Variants in WWOX observed in about 807,000 individuals in gnomAD.
WWOX encodes the protein WW domain-containing oxidoreductase.
WWOX carries 69 observed loss-of-function variants against 46.2 expected under a neutral mutation model. The observed-to-expected ratio is 1.49, with a 90% CI of 1.23 to 1.82. WWOX has a LOEUF of 1.82. WWOX is among the 40% of genes most tolerant of loss of function. The pLI is 0.00. For missense variants in WWOX, 919 were observed against 542.6 expected (o/e 1.69, Z -6.89); for synonymous variants, 359 against 202.6 (o/e 1.77, Z -6.56).
intron 8 of WWOX, among the ~76,000 whole-genome samples, chr16:78,607,176 A>G (rs1375044784): frequency 6.6e-6 from 1 of 152,194 alleles, no homozygotes; most frequent in Non-Finnish European, 1.5e-5. Context: ...CACAATAAAT[A>G]CACAGTTAAT....
At chr16:78,569,013 C>T (rs1237827692) in intron 8 of WWOX, among the ~76,000 whole-genome samples, 1 of 152,148 alleles carries the variant, frequency 6.6e-6, no homozygotes, top group South Asian at 2.1e-4. Context: ...CTGTTAGGCA[C>T]CACACACGAT....
intron 8 of WWOX, among the ~76,000 whole-genome samples, chr16:78,599,302 AAATT>A (rs903794545): frequency 1.3e-5 from 2 of 150,904 alleles, no homozygotes; most frequent in African/African-American, 5.0e-5. Context: ...CAGGGGCTTT[AAATT>A]AATTAATCAA....
intron 8 of WWOX, among the ~76,000 whole-genome samples, chr16:79,185,947 T>A (rs2051005339): frequency 6.7e-6 from 1 of 150,198 alleles, no homozygotes; most frequent in Non-Finnish European, 1.5e-5. Context: ...GCCATGTCTG[T>A]GTGTGTGTGT....
intron 8 of WWOX, among the ~76,000 whole-genome samples, chr16:78,797,578 T>C (rs2050776878): frequency 6.6e-6 from 1 of 152,150 alleles, no homozygotes; most frequent in Admixed American, 6.5e-5. Flanking sequence ...CCTGGGGCTT[T>C]AGTCATGTCA....
At chr16:78,740,649 A>T (rs1182190494) in intron 8 of WWOX, among the ~76,000 whole-genome samples, 1 of 152,062 alleles carries the variant, frequency 6.6e-6, no homozygotes, top group Non-Finnish European at 1.5e-5. Context: ...GGTGAAATTG[A>T]TTTGGCAAAA....
At chr16:78,312,595 G>C (rs561788659) in intron 5 of WWOX, among the ~76,000 whole-genome samples, 3 of 152,148 alleles carry the variant, frequency 2.0e-5, no homozygotes, top group Non-Finnish European at 4.4e-5. Flanking sequence ...GGCTGGTGTC[G>C]AACTCCTGAC....
rs115806920 is a variant in WWOX at position 78,238,345 on chromosome 16, G to T, written c.516+74056G>T. On this transcript the variant is annotated intron_variant, in intron 5 of 8. Coordinates refer to ENST00000566780, the MANE Select transcript of WWOX (RefSeq NM_016373.4). ...GGCAAGGTCTCACTTCATCACCCAG[G>T]CTGGAGTGCAGTAGTGTGTTCACAG... 4.2e-3 allele frequency among the ~76,000 whole-genome samples: 636 copies of T among 152,152 alleles called. 6 individuals are homozygous for T. The highest frequency in any genetic ancestry group is 0.015 in the African/African-American group (625 of 41,502).
At chr16:78,734,401 C>G (rs1051783630) in intron 8 of WWOX, among the ~76,000 whole-genome samples, 1 of 152,138 alleles carries the variant, frequency 6.6e-6, no homozygotes, top group Non-Finnish European at 1.5e-5. Context: ...TATGATAGCC[C>G]TAATTGGAAT....
intron 5 of WWOX, among the ~76,000 whole-genome samples, chr16:78,282,369 A>G (rs11150053): frequency 0.3 from 46,216 of 152,058 alleles, 8,036 homozygotes; most frequent in African/African-American, 0.47. Context: ...TGTGGCTTCA[A>G]AAAGGAGCCT....
At chr16:78,216,179 A>C (rs1056404104) in intron 5 of WWOX, among the ~76,000 whole-genome samples, 9 of 152,254 alleles carry the variant, frequency 5.9e-5, no homozygotes, top group African/African-American at 1.9e-4. Context: ...GCTGAAAAGT[A>C]AAATAATAAA....
At chr16:78,758,254 A>T (rs1282851312) in intron 8 of WWOX, among the ~76,000 whole-genome samples, 2 of 152,192 alleles carry the variant, frequency 1.3e-5, no homozygotes, top group Non-Finnish European at 2.9e-5. Flanking sequence ...CCATGTAGCT[A>T]TTATTACCAG....
At chr16:78,260,001 A>G (rs1388591979) in intron 5 of WWOX, among the ~76,000 whole-genome samples, 1 of 151,304 alleles carries the variant, frequency 6.6e-6, no homozygotes, top group Non-Finnish European at 1.5e-5. Context: ...CGTTAAATGA[A>G]TCCTAGATCC....
At chr16:78,755,729 A>C (rs556994560) in intron 8 of WWOX, among the ~76,000 whole-genome samples, 1 of 152,258 alleles carries the variant, frequency 6.6e-6, no homozygotes, top group South Asian at 2.1e-4. Context: ...AGTACCCGCT[A>C]TTAAATATGC....
At chr16:79,131,492 C>G (rs571754055) in intron 8 of WWOX, among the ~76,000 whole-genome samples, 1 of 152,074 alleles carries the variant, frequency 6.6e-6, no homozygotes, top group Admixed American at 6.5e-5. Flanking sequence ...TTAAGCAATA[C>G]CCCTGAATGT....
intron 5 of WWOX, among the ~76,000 whole-genome samples, chr16:78,248,554 G>C (rs977372049): frequency 6.6e-6 from 1 of 152,016 alleles, no homozygotes; most frequent in African/African-American, 2.4e-5. Flanking sequence ...TGCACAATAC[G>C]GTGAAAACTC....
At chr16:78,694,930 T>C (rs990828119) in intron 8 of WWOX, among the ~76,000 whole-genome samples, 3 of 152,160 alleles carry the variant, frequency 2.0e-5, no homozygotes, top group East Asian at 3.9e-4. Context: ...TTCCCATAAA[T>C]TAATAACACA....
intron 8 of WWOX, chr16:78,898,755 C>G (rs898896325): frequency 6.6e-6 from 1 of 152,088 alleles, no homozygotes; most frequent in Admixed American, 6.5e-5. Context: ...GCATGCATCT[C>G]TCCATTTATT....
intron 8 of WWOX, among the ~76,000 whole-genome samples, chr16:79,038,722 G>C (rs1366260674): frequency 2.6e-5 from 4 of 151,952 alleles, no homozygotes; most frequent in Admixed American, 2.6e-4. Flanking sequence ...ACTAATTTTT[G>C]TGTTTTTAGT....
At chr16:78,558,623 A>T (rs1467160535) in intron 8 of WWOX, among the ~76,000 whole-genome samples, 1 of 152,110 alleles carries the variant, frequency 6.6e-6, no homozygotes, top group Non-Finnish European at 1.5e-5. Context: ...CTCATTCATG[A>T]GCTTGCCTGC....
Sources: allele counts gnomAD v4.1 joint callset (sites outside exome capture counted in the v4.1 genomes callset), GRCh38; gene constraint gnomAD v4.1.1; transcripts MANE v1.5; gene names NCBI Gene and HGNC (gene_info 2026-07-23, HGNC 2026-07-21).